The following CFAP299 variants were observed in gnomAD, a reference collection of about 807,000 sequenced individuals.
CFAP299 encodes the protein cilia and flagella associated protein 299, also known as cilia- and flagella-associated protein 299.
In CFAP299, 21 loss-of-function variants were observed where a neutral mutation model predicts 27.0. The ratio of observed to expected loss-of-function variants is 0.78; its 90% CI spans 0.55 to 1.12. The LOEUF (loss-of-function observed/expected upper bound fraction) is 1.12. CFAP299 is among the 50% of genes most tolerant of loss of function. The pLI, the probability that CFAP299 is intolerant of heterozygous loss-of-function variation, is 0.00. For missense variants in CFAP299, 310 were observed against 276.6 expected (o/e 1.12, Z -0.86); for synonymous variants, 104 against 98.1 (o/e 1.06, Z -0.36).
At chr4:80,799,930 A>C (rs1469318422) in intron 3 of CFAP299, among the ~76,000 whole-genome samples, 2 of 48,980 alleles carry the variant, frequency 4.1e-5, no homozygotes, top group African/African-American at 8.7e-5. Context: ...ATATATATTT[A>C]TATATTATAT....
At position 80,684,277 on chromosome 4, in the gene CFAP299, G is replaced by GTT. The variant is rs1560696430; in HGVS notation, c.333+101094_333+101095insTT. Among the ~76,000 whole-genome samples, 132 of 142,496 alleles carry GTT rather than the reference G, an allele frequency of 9.3e-4. 1 individual carries two copies. Among genetic ancestry groups the GTT allele is most frequent in the African/African-American group, 3.4e-3 (123 of 36,142 alleles). 93.5% of individuals were successfully genotyped at this position (142,496 alleles called of 152,430 possible). On this transcript the variant is annotated intron_variant, in intron 3 of 5. Transcript: ENST00000358105. ...CTCTAAGATGACTTCTTTTTTTTGG[G>GTT]GGGGGGGGACGGAGCCTCACTTTGT...
chr4:80,481,808 A>G (rs1054291897), intron 2 of CFAP299, among the ~76,000 whole-genome samples: 2 of 152,106 alleles, frequency 1.3e-5, no homozygotes, highest in Non-Finnish European at 2.9e-5. Context: ...ACCAGTTAAT[A>G]TATGGTGATA....
chr4:80,740,407 G>C (rs1488189991), intron 3 of CFAP299, among the ~76,000 whole-genome samples: 1 of 152,128 alleles, frequency 6.6e-6, no homozygotes, highest in Non-Finnish European at 1.5e-5. Flanking sequence ...GATAAGATCT[G>C]GAAGAATTCT....
chr4:80,621,981 T>G (rs1738627315), intron 3 of CFAP299, among the ~76,000 whole-genome samples: 1 of 151,938 alleles, frequency 6.6e-6, no homozygotes, highest in Admixed American at 6.6e-5. Context: ...AGTGATGCAT[T>G]GTGTTGGGAA....
chr4:80,772,015 T>C (rs1726247328), intron 3 of CFAP299, among the ~76,000 whole-genome samples: 2 of 152,226 alleles, frequency 1.3e-5, no homozygotes, highest in Non-Finnish European at 2.9e-5. Flanking sequence ...ACGTGTTTTC[T>C]AATTGCAGTC....
At chr4:80,706,273 C>T (rs1344462867) in intron 3 of CFAP299, among the ~76,000 whole-genome samples, 1 of 151,438 alleles carries the variant, frequency 6.6e-6, no homozygotes, top group African/African-American at 2.4e-5. Context: ...ATACCCTAAA[C>T]ATCGAAAGTT....
At chr4:80,813,300 G>C (rs1180232105) in intron 3 of CFAP299, among the ~76,000 whole-genome samples, 1 of 151,944 alleles carries the variant, frequency 6.6e-6, no homozygotes, top group Non-Finnish European at 1.5e-5. Context: ...AGTAAATTTA[G>C]AAGCAATATT....
Position 80,402,706 on chromosome 4 carries a change from T to C in CFAP299, c.242+39822T>C, listed in dbSNP as rs146543134. Among the ~76,000 whole-genome samples, 940 of 152,326 alleles carry C rather than the reference T, an allele frequency of 6.2e-3. 2 individuals are homozygous for C. Among genetic ancestry groups the C allele is most frequent in the Middle Eastern group, 0.024 (7 of 294 alleles). ...TAGGATGAAGACTCTAGCTTTCTGGTATCAGAGCAAACTGCTCTGGATTTC... is the reference window on the plus strand; with the variant it reads ...TAGGATGAAGACTCTAGCTTTCTGGCATCAGAGCAAACTGCTCTGGATTTC... On this transcript the variant is annotated intron_variant, in intron 2 of 5. Coordinates refer to ENST00000358105, the MANE Select transcript of CFAP299 (RefSeq NM_152770.3).
intron 1 of CFAP299, among the ~76,000 whole-genome samples, chr4:80,350,639 T>C (rs1237460635): frequency 6.6e-6 from 1 of 152,212 alleles, no homozygotes; most frequent in Non-Finnish European, 1.5e-5. Context: ...TGCAGGGACA[T>C]GGATGAAGCT....
chr4:80,480,271 T>A (rs939753909), intron 2 of CFAP299, among the ~76,000 whole-genome samples: 16 of 123,084 alleles, frequency 1.3e-4, no homozygotes, highest in Admixed American at 4.8e-4. Flanking sequence ...CATAATAAAA[T>A]TTTTTTTAAA....
chr4:80,447,813 C>T (rs1231408236), intron 2 of CFAP299, among the ~76,000 whole-genome samples: 1 of 152,176 alleles, frequency 6.6e-6, no homozygotes, highest in Non-Finnish European at 1.5e-5. Flanking sequence ...CCTCCCACCC[C>T]ATCCCCATCC....
At chr4:80,851,434 C>T (rs778040978) in intron 3 of CFAP299, among the ~76,000 whole-genome samples, 50 of 151,968 alleles carry the variant, frequency 3.3e-4, no homozygotes, top group Non-Finnish European at 1.2e-4. Context: ...AAGAAAGACA[C>T]TATGCATTTC....
In CFAP299 at chr4:80,362,636, T is replaced by A. The variant is rs578254063; in HGVS notation, c.112-118T>A. Reference sequence around the variant, plus strand: ...AGATCATGTCTAGTTTTTAAATACATTTAATTTTTCATTTAAAGCAATTGC... The same window carrying A: ...AGATCATGTCTAGTTTTTAAATACAATTAATTTTTCATTTAAAGCAATTGC... On this transcript the variant is annotated intron_variant, in intron 1 of 5. Transcript: ENST00000358105. The A allele has an allele frequency of 3.6e-6, 4 of 1,111,494 alleles. No individual in the cohort carries two copies. In the African/African-American group the frequency reaches 6.3e-5, roughly 18 times the overall value. 68.9% of individuals were successfully genotyped at this position (1,111,494 alleles called of 1,614,324 possible). A position where few individuals can be genotyped will look rare whatever the true frequency, so the allele number is the denominator to read the frequency against.
intron 3 of CFAP299, among the ~76,000 whole-genome samples, chr4:80,715,247 A>G (rs1247198279): frequency 6.6e-6 from 1 of 152,076 alleles, no homozygotes; most frequent in African/African-American, 2.4e-5. Flanking sequence ...AAACTTGGCT[A>G]TGTGATTTGG....
At chr4:80,870,293 C>T in intron 4 of CFAP299, 158 bp downstream of exon 4, 1 of 1,252,648 alleles carries the variant, frequency 8.0e-7, no homozygotes, top group East Asian at 3.0e-5. Context: ...AAGGAATAAG[C>T]ATAGATGCAT....
chr4:80,899,560 A>G (rs1734781926), intron 4 of CFAP299, among the ~76,000 whole-genome samples: 1 of 152,218 alleles, frequency 6.6e-6, no homozygotes, highest in East Asian at 1.9e-4. Flanking sequence ...CCTGTTGACT[A>G]AAATGAGCAT....
intron 2 of CFAP299, among the ~76,000 whole-genome samples, chr4:80,525,536 G>T (rs1178522715): frequency 5.3e-5 from 8 of 152,078 alleles, no homozygotes; most frequent in Non-Finnish European, 7.4e-5. Flanking sequence ...TGAAAAATAT[G>T]TTCATTTCCC....
intron 4 of CFAP299, among the ~76,000 whole-genome samples, chr4:80,913,881 G>C (rs1027451859): frequency 6.6e-6 from 1 of 152,078 alleles, no homozygotes; most frequent in Non-Finnish European, 1.5e-5. Context: ...TGGCCCCATT[G>C]ATCCACTTTT....
At chr4:80,391,034 TAC>T (rs36176974) in intron 2 of CFAP299, among the ~76,000 whole-genome samples, 11,065 of 117,628 alleles carry the variant, frequency 0.094, 1,365 homozygotes, top group South Asian at 0.22. Flanking sequence ...TATATATGTA[TAC>T]ACACACACAT....
Sources: allele counts gnomAD v4.1 joint callset (sites outside exome capture counted in the v4.1 genomes callset), GRCh38; gene constraint gnomAD v4.1.1; transcripts MANE v1.5; gene names NCBI Gene and HGNC (gene_info 2026-07-23, HGNC 2026-07-21).